Variants in SLC9A9 observed in about 807,000 individuals in gnomAD.
SLC9A9 encodes the protein solute carrier family 9 member A9.
SLC9A9 carries 62 observed loss-of-function variants against 77.8 expected under a neutral mutation model. The ratio of observed to expected loss-of-function variants is 0.80; its 90% CI spans 0.65 to 0.98. SLC9A9 has a LOEUF of 0.98. Ranked by LOEUF, SLC9A9 falls within the 50% of genes least tolerant of loss-of-function variation. The probability of loss-of-function intolerance (pLI) is 0.00; values close to 1 mark genes in which losing one functional copy is unlikely to be tolerated. For missense variants in SLC9A9, 775 were observed against 774.9 expected (o/e 1.00, Z 0.00); for synonymous variants, 320 against 283.5 (o/e 1.13, Z -1.29).
At chr3:143,275,508 C>T (rs970229009) in intron 14 of SLC9A9, among the ~76,000 whole-genome samples, 1 of 152,110 alleles carries the variant, frequency 6.6e-6, no homozygotes, top group African/African-American at 2.4e-5. Context: ...ATTTCTTAAT[C>T]TTCAATATGT....
chr3:143,522,712 G>T (rs894445474), intron 9 of SLC9A9, among the ~76,000 whole-genome samples: 13 of 152,090 alleles, frequency 8.5e-5, no homozygotes, highest in Non-Finnish European at 1.8e-4. Context: ...ACCTACTAAA[G>T]GCTTCCCTTT....
At chr3:143,346,053 C>G (rs549212675) in intron 14 of SLC9A9, among the ~76,000 whole-genome samples, 118 of 152,128 alleles carry the variant, frequency 7.8e-4, no homozygotes, top group Non-Finnish European at 1.2e-3. Flanking sequence ...GGAAAAGAGA[C>G]CTAGGTCCAG....
intron 4 of SLC9A9, among the ~76,000 whole-genome samples, chr3:143,766,625 A>G (rs2007326810): frequency 6.6e-6 from 1 of 152,190 alleles, no homozygotes; most frequent in South Asian, 2.1e-4. Flanking sequence ...ACTGGAGAGC[A>G]GTGGCCTGAT....
chr3:143,265,415 T>C lies in SLC9A9; in HGVS notation c.*1287A>G, dbSNP rs966473307. 1.3e-5 allele frequency: 2 copies of C among 154,018 alleles called. No individual in the cohort carries two copies. The highest frequency in any genetic ancestry group is 4.8e-5 in the African/African-American group (2 of 41,500). 9.5% of individuals were successfully genotyped at this position (154,018 alleles called of 1,614,324 possible). On this transcript the variant is annotated 3_prime_UTR_variant, in exon 16 of 16. Transcript: ENST00000316549. ...TGCCTGATACCACCACAGTGAATGT[T>C]GTTTAAGGCCTAACAAACAGTGGTC...
rs2039102673 is a variant in SLC9A9, at chr3:143,668,244, C to T, written c.650-15884G>A. ...ACTATCACAAGGACAGAAAACCAAACACCGCATGCTCTCACTCGTAGGTGG... is the reference window on the plus strand; with the variant it reads ...ACTATCACAAGGACAGAAAACCAAATACCGCATGCTCTCACTCGTAGGTGG... On this transcript the variant is annotated intron_variant, in intron 5 of 15. Coordinates refer to ENST00000316549, the MANE Select transcript of SLC9A9 (RefSeq NM_173653.4). Among the ~76,000 whole-genome samples, 4 of 149,636 alleles carry T rather than the reference C, an allele frequency of 2.7e-5. No individual in the cohort carries two copies. The Admixed American group carries it at 2.7e-4, about 10-fold the overall frequency.
At chr3:143,748,119 A>G (rs1412359642) in intron 4 of SLC9A9, among the ~76,000 whole-genome samples, 1 of 152,232 alleles carries the variant, frequency 6.6e-6, no homozygotes, top group Non-Finnish European at 1.5e-5. Context: ...TTCCAAATTG[A>G]ACTAGCCTTC....
chr3:143,432,720 C>T (rs929369519), intron 12 of SLC9A9, among the ~76,000 whole-genome samples: 3 of 152,180 alleles, frequency 2.0e-5, no homozygotes, highest in Admixed American at 6.5e-5. Context: ...CTCCGCCTCC[C>T]AGGTTCAAGC....
chr3:143,521,327 G>C (rs2036295430), intron 9 of SLC9A9, among the ~76,000 whole-genome samples: 1 of 152,110 alleles, frequency 6.6e-6, no homozygotes, highest in South Asian at 2.1e-4. Context: ...GGGCCTGAAG[G>C]GGGCTTCTAG....
intron 6 of SLC9A9, among the ~76,000 whole-genome samples, chr3:143,594,093 A>G (rs1040083113): frequency 4.4e-4 from 67 of 152,326 alleles, no homozygotes; most frequent in African/African-American, 1.5e-3. Flanking sequence ...GATTTTAAAA[A>G]AAGAGCTTAA....
At position 143,363,508 on chromosome 3, in the gene SLC9A9, C is replaced by A; in HGVS notation, c.1580G>T (p.Arg527Ile). 1 of 1,613,092 alleles carries A rather than the reference C, an allele frequency of 6.2e-7. No individual in the cohort carries two copies. The highest frequency in any genetic ancestry group is 8.5e-7 in the Non-Finnish European group (1 of 1,179,294). Reference sequence around the variant, plus strand: ...CTTGTGGTCAAAGCTATACCACATTCTGAAGAGCCGAGCACTCTCTGCTTT... The same window carrying A: ...CTTGTGGTCAAAGCTATACCACATTATGAAGAGCCGAGCACTCTCTGCTTT... ...MTKAESARLF[R>I]MWYSFDHKYL... Residue 527 changes from arginine (R) to isoleucine (I), a missense_variant, in exon 14 of 16, where the codon AGA (arginine) becomes ATA (isoleucine). Transcript: ENST00000316549.
At chr3:143,836,293 C>T (rs2009565374) in intron 1 of SLC9A9, among the ~76,000 whole-genome samples, 1 of 152,186 alleles carries the variant, frequency 6.6e-6, no homozygotes, top group Non-Finnish European at 1.5e-5. Flanking sequence ...TGGCTTTTCT[C>T]CTCAACCAGA....
intron 6 of SLC9A9, among the ~76,000 whole-genome samples, chr3:143,629,595 A>G (rs1480485825): frequency 4.7e-5 from 7 of 148,878 alleles, no homozygotes; most frequent in Admixed American, 3.3e-4. Flanking sequence ...GTGTGTGTGT[A>G]TGTGTGTAGT....
intron 4 of SLC9A9, among the ~76,000 whole-genome samples, chr3:143,703,498 T>C (rs911720378): frequency 1.3e-5 from 2 of 151,790 alleles, no homozygotes; most frequent in African/African-American, 4.8e-5. Context: ...AGAAGGAAAT[T>C]GAAAAATTTC....
At chr3:143,617,433 A>G (rs1416222381) in intron 6 of SLC9A9, among the ~76,000 whole-genome samples, 1 of 152,242 alleles carries the variant, frequency 6.6e-6, no homozygotes, top group Admixed American at 6.5e-5. Flanking sequence ...CTGGATTAGA[A>G]TAGATGGAGG....
At chr3:143,554,991 T>A (rs1433370911) in intron 8 of SLC9A9, among the ~76,000 whole-genome samples, 2 of 152,210 alleles carry the variant, frequency 1.3e-5, no homozygotes, top group Non-Finnish European at 2.9e-5. Context: ...ATTTTATATA[T>A]TTATGTGTTT....
chr3:143,530,246 G>T (rs985282337), intron 9 of SLC9A9, among the ~76,000 whole-genome samples: 4 of 152,192 alleles, frequency 2.6e-5, no homozygotes, highest in Non-Finnish European at 1.5e-5. Context: ...ATCTTGTATT[G>T]AAGCTCCCAT....
intron 9 of SLC9A9, among the ~76,000 whole-genome samples, chr3:143,507,993 C>T (rs1356943359): frequency 6.6e-6 from 1 of 152,182 alleles, no homozygotes; most frequent in Non-Finnish European, 1.5e-5. Flanking sequence ...AAGGCCCCAA[C>T]TCCAAATACC....
intron 9 of SLC9A9, among the ~76,000 whole-genome samples, chr3:143,529,183 G>A (rs553543796): frequency 6.6e-6 from 1 of 152,254 alleles, no homozygotes; most frequent in African/African-American, 2.4e-5. Context: ...ATTTCAGAGT[G>A]GGAAATGCCC....
chr3:143,479,494 C>T (rs1389779345), intron 11 of SLC9A9, among the ~76,000 whole-genome samples: 1 of 152,150 alleles, frequency 6.6e-6, no homozygotes, highest in African/African-American at 2.4e-5. Context: ...CTCAAGCAAT[C>T]CTCCCACTTT....
Sources: gnomAD v4.1 joint callset for allele counts (sites outside exome capture counted in the v4.1 genomes callset) on GRCh38, gnomAD v4.1.1 for gene constraint, MANE v1.5 for transcripts, NCBI Gene and HGNC (gene_info 2026-07-23, HGNC 2026-07-21) for gene names.